Variants in TMED10 observed in about 807,000 individuals in gnomAD.
TMED10 encodes transmembrane p24 trafficking protein 10.
In TMED10, 7 loss-of-function variants were observed where a neutral mutation model predicts 23.1. The observed-to-expected ratio is 0.30, with a 90% CI of 0.17 to 0.57. TMED10 has a LOEUF of 0.57. Among genes scored for constraint, TMED10 ranks in the 20% least tolerant of loss-of-function variants. The pLI, the probability that TMED10 is intolerant of heterozygous loss-of-function variation, is 0.91. For missense variants in TMED10, 162 were observed against 274.8 expected (o/e 0.59, Z 2.90); for synonymous variants, 113 against 106.9 (o/e 1.06, Z -0.35).
chr14:75,144,421 A>T (rs1895858309), intron 3 of TMED10, among the ~76,000 whole-genome samples: 1 of 152,256 alleles, frequency 6.6e-6, no homozygotes, highest in Non-Finnish European at 1.5e-5. Context: ...CTCTTTAAAG[A>T]ATTCAAACAA....
intron 1 of TMED10, among the ~76,000 whole-genome samples, chr14:75,164,565 ATATATATATATAT>A (rs1273842166): frequency 4.3e-4 from 1 of 2,332 alleles, no homozygotes; most frequent in Non-Finnish European, 1.1e-3. Flanking sequence ...ATATATATAT[ATATATATATATAT>A]TTTTTTTTTT....
chr14:75,155,297 G>A (rs1896008598), intron 1 of TMED10, among the ~76,000 whole-genome samples: 1 of 152,104 alleles, frequency 6.6e-6, no homozygotes. Flanking sequence ...GACCTGTGCT[G>A]GTCACTGGGA....
Position 75,147,678 on chromosome 14 carries a change from TCGCCTCCA to T in TMED10, c.389_396del (p.Val130GlufsTer10). 1 of 1,614,146 alleles carries T rather than the reference TCGCCTCCA, an allele frequency of 6.2e-7. No individual in the cohort carries two copies. The highest frequency in any genetic ancestry group is 8.5e-7 in the Non-Finnish European group (1 of 1,180,030). On this transcript the variant is annotated frameshift_variant, in exon 3 of 5. Transcript: ENST00000303575. LOFTEE classifies it high-confidence loss of function. ...GCAGGACATACCTCTTCGTAATTTT[TCGCCTCCA>T]CTCCATGCTTCATGTCTAGGATCAC... is the stretch of plus-strand genomic sequence containing the variant.
rs1566667653 is a variant in TMED10 at position 75,133,915 on chromosome 14, AAAAG to A, written c.*966_*969del. 1 of 306,032 alleles carries A rather than the reference AAAAG, an allele frequency of 3.3e-6. No homozygotes were observed. Among genetic ancestry groups the A allele is most frequent in the Non-Finnish European group, 6.2e-6 (1 of 161,990 alleles). 19.0% of individuals were successfully genotyped at this position (306,032 alleles called of 1,614,324 possible). ...ATATATAAAACATTTTTAAAAGAAA[AAAAG>A]GAAGAAACTATTCATACATGCAACA... On this transcript the variant is annotated 3_prime_UTR_variant, in exon 5 of 5. Coordinates refer to ENST00000303575, the MANE Select transcript of TMED10 (RefSeq NM_006827.6).
intron 2 of TMED10, among the ~76,000 whole-genome samples, chr14:75,149,543 A>G (rs552731634): frequency 6.6e-6 from 1 of 152,352 alleles, no homozygotes; most frequent in East Asian, 1.9e-4. Flanking sequence ...CTGCCTTCAA[A>G]TAATTCAATT....
chr14:75,154,050 C>T (rs1356714703), intron 1 of TMED10, among the ~76,000 whole-genome samples: 2 of 150,708 alleles, frequency 1.3e-5, no homozygotes, highest in African/African-American at 4.9e-5. Context: ...GGGTTACAGG[C>T]GTGAGCCACC....
intron 1 of TMED10, among the ~76,000 whole-genome samples, chr14:75,169,998 C>T (rs1396017576): frequency 2.0e-5 from 3 of 151,962 alleles, no homozygotes; most frequent in Non-Finnish European, 2.9e-5. Context: ...GAGGCAGAGG[C>T]GGGCGGATCA....
chr14:75,140,043 T>C (rs565014605), intron 3 of TMED10, among the ~76,000 whole-genome samples: 1 of 152,218 alleles, frequency 6.6e-6, no homozygotes, highest in Non-Finnish European at 1.5e-5. Flanking sequence ...CCTTCCTCCA[T>C]GTGAGAACAC....
chr14:75,163,184 G>A (rs1048951040), intron 1 of TMED10, among the ~76,000 whole-genome samples: 8 of 152,158 alleles, frequency 5.3e-5, no homozygotes, highest in African/African-American at 1.9e-4. Flanking sequence ...CAAGGCTGCA[G>A]TGAGTTGTGA....
chr14:75,176,193 A>G (rs1594878567), intron 1 of TMED10, 162 bp downstream of exon 1: 3 of 840,250 alleles, frequency 3.6e-6, no homozygotes, highest in East Asian at 2.7e-5. Context: ...CGCGACAGGC[A>G]ACCAGCGGGG....
In TMED10 at chr14:75,139,635, CA is replaced by C. The variant is rs34813747; in HGVS notation, c.412-3750del. Among the ~76,000 whole-genome samples, 964 of 109,250 alleles carry C rather than the reference CA, an allele frequency of 8.8e-3. 8 individuals carry two copies. Among genetic ancestry groups the C allele is most frequent in the African/African-American group, 0.03 (800 of 26,442 alleles). 71.7% of individuals were successfully genotyped at this position (109,250 alleles called of 152,430 possible). Reference sequence around the variant, plus strand: ...TGGGAGACAAACTGAGACTCCGACTCAAAAAAAAAAAAAAAAAATCTATTGA... The same window carrying C: ...TGGGAGACAAACTGAGACTCCGACTCAAAAAAAAAAAAAAAAATCTATTGA... On this transcript the variant is annotated intron_variant, in intron 3 of 4. Transcript: ENST00000303575.
chr14:75,136,167 C>CT (rs894759482), intron 3 of TMED10, among the ~76,000 whole-genome samples: 10 of 151,218 alleles, frequency 6.6e-5, no homozygotes, highest in East Asian at 1.9e-4. Context: ...AGATTTTTTA[C>CT]TTTTTTTTTG....
chr14:75,134,800 G>T lies in TMED10; in HGVS notation c.*85C>A. Reference sequence around the variant, plus strand: ...AGCTCCAACGTGCCTTGATGGTGCTGTTGGTAGGATGCCTTAGGCCAGGCA... The same window carrying T: ...AGCTCCAACGTGCCTTGATGGTGCTTTTGGTAGGATGCCTTAGGCCAGGCA... On this transcript the variant is annotated 3_prime_UTR_variant, in exon 5 of 5. Coordinates refer to ENST00000303575, the MANE Select transcript of TMED10 (RefSeq NM_006827.6). 6.3e-7 allele frequency: 1 copy of T among 1,580,772 alleles called. No individual in the cohort carries two copies. Among genetic ancestry groups the T allele is most frequent in the Non-Finnish European group, 8.6e-7 (1 of 1,156,254 alleles).
intron 2 of TMED10, among the ~76,000 whole-genome samples, chr14:75,150,715 G>C (rs1390777544): frequency 1.3e-5 from 2 of 152,142 alleles, no homozygotes; most frequent in Non-Finnish European, 2.9e-5. Context: ...GTTTGTGTAA[G>C]TACACTTAAT....
At chr14:75,164,569 ATATATATATTTTTTT>A (rs1323187178) in intron 1 of TMED10, among the ~76,000 whole-genome samples, 85 of 1,938 alleles carry the variant, frequency 0.044, no homozygotes, top group African/African-American at 0.091. Flanking sequence ...ATATATATAT[ATATATATATTTTTTT>A]TTTTTTTTTT....
At chr14:75,142,243 C>G (rs961035174) in intron 3 of TMED10, among the ~76,000 whole-genome samples, 1 of 152,156 alleles carries the variant, frequency 6.6e-6, no homozygotes, top group South Asian at 2.1e-4. Flanking sequence ...GTTAAATAAT[C>G]AAAGGATGTT....
At chr14:75,136,693 ACAAC>A (rs1395684141) in intron 3 of TMED10, 1 of 152,246 alleles carries the variant, frequency 6.6e-6, no homozygotes, top group African/African-American at 2.4e-5. Flanking sequence ...TATAAATCCT[ACAAC>A]AACTTTAAGG....
intron 1 of TMED10, among the ~76,000 whole-genome samples, chr14:75,154,420 A>AAAAAAAAAAAG (rs1895996225): frequency 6.8e-6 from 1 of 146,916 alleles, no homozygotes; most frequent in Admixed American, 6.8e-5. Flanking sequence ...AAAAAAAAAA[A>AAAAAAAAAAAG]AAAAAAAAAA....
rs532508732 is a variant in TMED10, at chr14:75,164,426, T to A, written c.225+11929A>T. ...TTTTATTTTTTAAGTAGAGATAGGG[T>A]TTCACCATGTTGGCCAGGCTGGTCT... On this transcript the variant is annotated intron_variant, in intron 1 of 4. Transcript: ENST00000303575. 2.2e-4 allele frequency among the ~76,000 whole-genome samples: 33 copies of A among 149,066 alleles called. No individual in the cohort carries two copies. In the East Asian group the frequency reaches 5.1e-3, roughly 23 times the overall value.
Sources: allele counts gnomAD v4.1 joint callset (sites outside exome capture counted in the v4.1 genomes callset), GRCh38; gene constraint gnomAD v4.1.1; transcripts MANE v1.5; gene names NCBI Gene and HGNC (gene_info 2026-07-23, HGNC 2026-07-21).